The following ALOX5 variants were observed in gnomAD, a reference collection of about 807,000 sequenced individuals.
ALOX5 encodes the protein arachidonate 5-lipoxygenase, also known as polyunsaturated fatty acid 5-lipoxygenase.
A neutral mutation model predicts 87.9 loss-of-function variants in ALOX5; 64 were observed. That is an observed-to-expected ratio of 0.73 (90% CI 0.60 to 0.90). The LOEUF (loss-of-function observed/expected upper bound fraction) is 0.90. Among genes scored for constraint, ALOX5 ranks in the 40% least tolerant of loss-of-function variants. The pLI is 0.00. For synonymous variants in ALOX5, 388 were observed against 355.1 expected, an observed-to-expected ratio of 1.09 and a Z score of -1.04; for missense variants, 822 against 907.5, an observed-to-expected ratio of 0.91 and a Z score of 1.21.
At chr10:45,436,813 T>A (rs995365922) in intron 7 of ALOX5, among the ~76,000 whole-genome samples, 3 of 152,222 alleles carry the variant, frequency 2.0e-5, no homozygotes, top group African/African-American at 7.2e-5. Flanking sequence ...TTGATAGGAA[T>A]TGTGTTGTAT....
At chr10:45,427,470 A>G (rs1161367279) in intron 6 of ALOX5, among the ~76,000 whole-genome samples, 1 of 152,044 alleles carries the variant, frequency 6.6e-6, no homozygotes, top group Non-Finnish European at 1.5e-5. Context: ...ACACCACATA[A>G]AGGAGGAGGG....
At chr10:45,374,536 C>A in intron 1 of ALOX5, 107 bp downstream of exon 1, 1 of 1,133,696 alleles carries the variant, frequency 8.8e-7, no homozygotes, top group Non-Finnish European at 1.2e-6. Flanking sequence ...CGGGGCGGCC[C>A]GGACAGGACT....
At chr10:45,412,528 A>G (rs1335874513) in intron 4 of ALOX5, among the ~76,000 whole-genome samples, 1 of 152,224 alleles carries the variant, frequency 6.6e-6, no homozygotes, top group Non-Finnish European at 1.5e-5. Context: ...AGGACTCCAG[A>G]CACCAGACAT....
intron 3 of ALOX5, among the ~76,000 whole-genome samples, chr10:45,402,296 C>T (rs368015948): frequency 1.3e-5 from 2 of 152,152 alleles, no homozygotes; most frequent in Non-Finnish European, 2.9e-5. Flanking sequence ...ACCAAGAACA[C>T]AATTGCCCCA....
chr10:45,423,126 A>C (rs1165020785), intron 4 of ALOX5, among the ~76,000 whole-genome samples: 1 of 152,232 alleles, frequency 6.6e-6, no homozygotes, highest in African/African-American at 2.4e-5. Context: ...AGCACAATTT[A>C]GTCCACAGCA....
At chr10:45,392,739 A>C (rs2132708426) in intron 2 of ALOX5, among the ~76,000 whole-genome samples, 1 of 152,288 alleles carries the variant, frequency 6.6e-6, no homozygotes, top group Middle Eastern at 3.4e-3. Context: ...GAGAAGAATC[A>C]ATTAGACGCA....
chr10:45,422,361 G>A (rs921009617), intron 4 of ALOX5, among the ~76,000 whole-genome samples: 2 of 152,198 alleles, frequency 1.3e-5, no homozygotes, highest in East Asian at 3.8e-4. Flanking sequence ...CAAGGTGTGT[G>A]TCTACAGCTC....
chr10:45,416,244 G>A (rs953868955), intron 4 of ALOX5, among the ~76,000 whole-genome samples: 4 of 152,122 alleles, frequency 2.6e-5, no homozygotes, highest in African/African-American at 9.7e-5. Context: ...GTCTCCAAGG[G>A]GTCAAGGTCA....
chr10:45,443,596 T>C (rs1249227644), intron 11 of ALOX5, 59 bp downstream of exon 11: 1 of 1,596,602 alleles, frequency 6.3e-7, no homozygotes, highest in Non-Finnish European at 8.5e-7. Flanking sequence ...CGCTGGCCCC[T>C]CCGCCACCCC....
chr10:45,379,657 G>A (rs1353401179), intron 1 of ALOX5, among the ~76,000 whole-genome samples: 1 of 152,208 alleles, frequency 6.6e-6, no homozygotes, highest in African/African-American at 2.4e-5. Context: ...TTCAGGAAGG[G>A]GCACTGGTGG....
chr10:45,379,319 A>T lies in ALOX5; in HGVS notation c.151-3164A>T, dbSNP rs997015102. On this transcript the variant is annotated intron_variant, in intron 1 of 13. Coordinates refer to ENST00000374391, the MANE Select transcript of ALOX5 (RefSeq NM_000698.5). ...AGCCCCTCAGAGCCATAGGAAAGCT[A>T]CTTCCCCTGCAGCAGCCACACTCAG... Among the ~76,000 whole-genome samples, 3 of 151,894 alleles carry T rather than the reference A, an allele frequency of 2.0e-5. No homozygotes were observed. The East Asian group carries it at 5.8e-4, about 29-fold the overall frequency.
rs144080623 is a variant in ALOX5 at position 45,384,918 on chromosome 10, C to T, written c.349+2237C>T. Reference sequence around the variant, plus strand: ...AGGGCAGTGGCACGATCTCAGCCCACTGCAACCTCTGCCTCCCAGGTTCAA... The same window carrying T: ...AGGGCAGTGGCACGATCTCAGCCCATTGCAACCTCTGCCTCCCAGGTTCAA... On this transcript the variant is annotated intron_variant, in intron 2 of 13. Transcript: ENST00000374391. 3.7e-4 allele frequency among the ~76,000 whole-genome samples: 57 copies of T among 152,266 alleles called. No homozygotes were observed. The East Asian group carries it at 9.8e-3, about 26-fold the overall frequency.
At position 45,374,303 on chromosome 10, in the gene ALOX5, G is replaced by A; in HGVS notation, c.24G>A (p.Val8=). The part of the protein sequence containing the change: MPSYTVT[V]ATGSQWFAGT... ...CCATGCCCTCCTACACGGTCACCGT[G>A]GCCACTGGCAGCCAGTGGTTCGCCG... Residue 8 remains valine (V), a synonymous_variant, in exon 1 of 14, where the codon GTG becomes GTA. Transcript: ENST00000374391. 6.6e-7 allele frequency: 1 copy of A among 1,517,984 alleles called. No individual in the cohort carries two copies. The highest frequency in any genetic ancestry group is 8.8e-7 in the Non-Finnish European group (1 of 1,133,490). 94.0% of individuals were successfully genotyped at this position (1,517,984 alleles called of 1,614,324 possible).
At chr10:45,444,714 T>C (rs1454015445) in intron 13 of ALOX5, 1 of 173,986 alleles carries the variant, frequency 5.7e-6, no homozygotes, top group Non-Finnish European at 1.2e-5. Context: ...AGCTCAGTAC[T>C]GCATAGAATG....
At chr10:45,396,974 A>G (rs1272362591) in intron 3 of ALOX5, among the ~76,000 whole-genome samples, 1 of 152,234 alleles carries the variant, frequency 6.6e-6, no homozygotes, top group African/African-American at 2.4e-5. Context: ...AAAGTACATA[A>G]TCATTTCAAT....
At position 45,428,599 on chromosome 10, in the gene ALOX5, A is replaced by C. The variant is rs1239525888; in HGVS notation, c.835-19A>C. 13 of 1,613,706 alleles carry C rather than the reference A, an allele frequency of 8.1e-6. No individual in the cohort carries two copies. The highest frequency in any genetic ancestry group is 1.1e-5 in the Non-Finnish European group (13 of 1,179,916). ...CGTCTGCTGAGCCTGATTTGGACAC[A>C]TCTCTCTGCCTCCTGCAGCAAGGGA... On this transcript the variant is annotated intron_variant, in intron 6 of 13. Transcript: ENST00000374391.
At chr10:45,443,850 G>A in intron 12 of ALOX5, 22 bp downstream of exon 12, 1 of 1,580,204 alleles carries the variant, frequency 6.3e-7, no homozygotes, top group Non-Finnish European at 8.6e-7. Context: ...CGGGCCCGCT[G>A]GGCAGGGCTC....
At chr10:45,429,325 A>G (rs1162992565) in intron 7 of ALOX5, among the ~76,000 whole-genome samples, 1 of 152,202 alleles carries the variant, frequency 6.6e-6, no homozygotes. Context: ...CAAGGCCAGG[A>G]CTGGACTGGG....
At chr10:45,401,207 G>A (rs1423059229) in intron 3 of ALOX5, among the ~76,000 whole-genome samples, 5 of 152,204 alleles carry the variant, frequency 3.3e-5, no homozygotes, top group Non-Finnish European at 5.9e-5. Flanking sequence ...TCCAAGGGAA[G>A]AAAGTGGAAG....
Sources: gnomAD v4.1 joint callset for allele counts (sites outside exome capture counted in the v4.1 genomes callset) on GRCh38, gnomAD v4.1.1 for gene constraint, MANE v1.5 for transcripts, NCBI Gene and HGNC (gene_info 2026-07-23, HGNC 2026-07-21) for gene names.